The following DIP2A variants were observed in gnomAD, a reference collection of about 807,000 sequenced individuals.
DIP2A encodes the protein disco-interacting protein 2 homolog A.
Under a neutral mutation model 177.4 loss-of-function variants are expected in DIP2A, and 85 were observed. That is an observed-to-expected ratio of 0.48 (90% CI 0.40 to 0.57). The LOEUF (loss-of-function observed/expected upper bound fraction) is 0.57. DIP2A is among the 20% of genes least tolerant of loss of function. The pLI, the probability that DIP2A is intolerant of heterozygous loss-of-function variation, is 0.00. For synonymous variants in DIP2A, 886 were observed against 881.8 expected (o/e 1.00, Z -0.08); for missense variants, 1,791 against 2,100.2 (o/e 0.85, Z 2.88).
chr21:46,580,338 CTT>C, the DIP2A span, among the ~76,000 whole-genome samples: 1 of 152,004 alleles, frequency 6.6e-6, no homozygotes, highest in Non-Finnish European at 1.5e-5. Context: ...CCTCATGTGT[CTT>C]TGCATGTGAG....
chr21:46,488,514 T>C (rs1051721997), intron 2 of DIP2A, among the ~76,000 whole-genome samples: 6 of 152,178 alleles, frequency 3.9e-5, no homozygotes, highest in Non-Finnish European at 7.3e-5. Flanking sequence ...CCTGGTCTTT[T>C]AGTGAGGGTC....
chr21:46,476,886 A>T (rs1295716298), intron 1 of DIP2A, among the ~76,000 whole-genome samples: 1 of 152,070 alleles, frequency 6.6e-6, no homozygotes, highest in Non-Finnish European at 1.5e-5. Context: ...CAAACTCCTG[A>T]CCTCAAATGA....
chr21:46,562,219 C>A (rs2060689687), intron 34 of DIP2A, among the ~76,000 whole-genome samples: 1 of 152,058 alleles, frequency 6.6e-6, no homozygotes, highest in Non-Finnish European at 1.5e-5. Context: ...GGGAAGAGGC[C>A]CCCAGACCCT....
chr21:46,468,755 G>A (rs1284451234), intron 1 of DIP2A, among the ~76,000 whole-genome samples: 1 of 152,140 alleles, frequency 6.6e-6, no homozygotes, highest in Non-Finnish European at 1.5e-5. Context: ...TTATGTTTAT[G>A]TTTATGGTGA....
chr21:46,466,280 A>G (rs2054821880), intron 1 of DIP2A, among the ~76,000 whole-genome samples: 1 of 151,894 alleles, frequency 6.6e-6, no homozygotes, highest in African/African-American at 2.4e-5. Flanking sequence ...AGATAGACCA[A>G]TGGATTTTAA....
chr21:46,566,812 C>T (rs1277993206), intron 37 of DIP2A, 129 bp downstream of exon 37: 3 of 1,267,236 alleles, frequency 2.4e-6, no homozygotes, highest in East Asian at 4.9e-5. Flanking sequence ...GCATTGTCAC[C>T]CTGGTCTGCA....
rs760650278 is a variant in DIP2A at position 46,532,143 on chromosome 21, C to T, written c.1211C>T (p.Pro404Leu). 3.1e-6 allele frequency: 5 copies of T among 1,613,198 alleles called. No individual in the cohort carries two copies. The highest frequency in any genetic ancestry group is 1.1e-5 in the South Asian group (1 of 90,968). Residue 404 changes from proline to leucine, a missense_variant, in exon 10 of 38, where the codon CCG becomes CTG. Physicochemically the swap from Pro to Leu is moderately conservative, Grantham distance 98 (BLOSUM62 -3). Coordinates refer to ENST00000417564, the MANE Select transcript of DIP2A (RefSeq NM_015151.4). ...CTGTTGTAGGTGGCGCTCGTGTTTC[C>T]GAATAGTGACCCTGTGATGTTCATG... ...KPGDRVALVFPNSDPVMFMVA... is the reference protein window; with the variant it reads ...KPGDRVALVFLNSDPVMFMVA...
At position 46,473,400 on chromosome 21, in the gene DIP2A, A is replaced by G. The variant is rs369520294; in HGVS notation, c.92-11357A>G. On this transcript the variant is annotated intron_variant, in intron 1 of 37. Transcript: ENST00000417564. ...ATTGCTTGAGATTGAGGCTGCAGTGAACCGTGATTATGCCACTGCACTCCA... is the reference window on the plus strand; with the variant it reads ...ATTGCTTGAGATTGAGGCTGCAGTGGACCGTGATTATGCCACTGCACTCCA... Among the ~76,000 whole-genome samples the G allele has an allele frequency of 2.3e-3, 333 of 143,852 alleles. 3 individuals carry two copies. The highest frequency in any genetic ancestry group is 0.011 in the Middle Eastern group (3 of 284). 94.4% of individuals were successfully genotyped at this position (143,852 alleles called of 152,430 possible).
In DIP2A at chr21:46,502,437, ATTTTTTTTTTTTT is replaced by A. The variant is rs36011338; in HGVS notation, c.656-1908_656-1896del. On this transcript the variant is annotated intron_variant, in intron 5 of 37. Coordinates refer to ENST00000417564, the MANE Select transcript of DIP2A (RefSeq NM_015151.4). ...GTGAGCCACTGCACAGCTAGTGTTG[ATTTTTTTTTTTTT>A]TTTTTTTTTTTTTTTGTGACAGGGT... is the stretch of plus-strand genomic sequence containing the variant. Among the ~76,000 whole-genome samples the A allele has an allele frequency of 5.8e-4, 26 of 44,864 alleles. 1 individual carries two copies. Among genetic ancestry groups the A allele is most frequent in the African/African-American group, 2.3e-3 (23 of 9,918 alleles). 29.4% of individuals were successfully genotyped at this position (44,864 alleles called of 152,430 possible). A position where few individuals can be genotyped will look rare whatever the true frequency, so the allele number is the denominator to read the frequency against.
intron 19 of DIP2A, among the ~76,000 whole-genome samples, chr21:46,545,648 G>T (rs1569082676): frequency 6.6e-6 from 1 of 152,234 alleles, no homozygotes; most frequent in East Asian, 1.9e-4. Flanking sequence ...AGTCTAGGGA[G>T]GCCAGGCACC....
chr21:46,526,917 C>A (rs776241874), intron 8 of DIP2A, among the ~76,000 whole-genome samples: 1 of 152,148 alleles, frequency 6.6e-6, no homozygotes, highest in Non-Finnish European at 1.5e-5. Context: ...ACTTACTTCT[C>A]TCAGAGGGGA....
chr21:46,514,642 G>GTT lies in DIP2A; in HGVS notation c.1102+3040_1102+3041dup, dbSNP rs1159261551. 2.2e-3 allele frequency among the ~76,000 whole-genome samples: 146 copies of GTT among 67,792 alleles called. 5 individuals carry two copies. Among genetic ancestry groups the GTT allele is most frequent in the African/African-American group, 6.0e-3 (116 of 19,212 alleles). 44.5% of individuals were successfully genotyped at this position (67,792 alleles called of 152,430 possible). On this transcript the variant is annotated intron_variant, in intron 8 of 37. Transcript: ENST00000417564. ...CTTTTTTTTTTTTTTTTTTTTTTTG[G>GTT]TTTTTTTTTTTTTGCACAAGCTAGA...
intron 2 of DIP2A, among the ~76,000 whole-genome samples, 179 bp from the exon 3 acceptor site, chr21:46,490,421 G>A (rs888767963): frequency 7.9e-5 from 12 of 152,170 alleles, no homozygotes; most frequent in African/African-American, 2.9e-4. Context: ...AGGAGAGCAC[G>A]GAAGTGGATG....
chr21:46,473,511 A>C (rs1007532911), intron 1 of DIP2A, among the ~76,000 whole-genome samples: 1 of 149,772 alleles, frequency 6.7e-6, no homozygotes, highest in South Asian at 2.1e-4. Context: ...TGCTTTATTT[A>C]TTTTTTATTT....
chr21:46,512,257 A>G (rs1423769996), intron 8 of DIP2A, among the ~76,000 whole-genome samples: 1 of 152,172 alleles, frequency 6.6e-6, no homozygotes, highest in Non-Finnish European at 1.5e-5. Context: ...GCTATTGTGT[A>G]TAGTGCTGTT....
Position 46,488,555 on chromosome 21 carries a change from G to C in DIP2A, c.164-2045G>C, listed in dbSNP as rs1008116501. Among the ~76,000 whole-genome samples the C allele has an allele frequency of 1.3e-5, 2 of 152,174 alleles. 1 individual carries two copies. The highest frequency in any genetic ancestry group is 3.9e-4 in the East Asian group (2 of 5,190). ...TTGGGTAAAGTAGCAGAAATCCAAA[G>C]GAGAGGAAATGTGGATGGGCAATAA... On this transcript the variant is annotated intron_variant, in intron 2 of 37. Coordinates refer to ENST00000417564, the MANE Select transcript of DIP2A (RefSeq NM_015151.4).
At chr21:46,520,151 G>A (rs1423283408) in intron 8 of DIP2A, among the ~76,000 whole-genome samples, 1 of 152,054 alleles carries the variant, frequency 6.6e-6, no homozygotes, top group African/African-American at 2.4e-5. Flanking sequence ...TGGGATTACA[G>A]GCATGAGCCA....
rs2056868528 is a variant in DIP2A at position 46,489,193 on chromosome 21, A to G, written c.164-1407A>G. On this transcript the variant is annotated intron_variant, in intron 2 of 37. Coordinates refer to ENST00000417564, the MANE Select transcript of DIP2A (RefSeq NM_015151.4). ...AGGGCTAATACTGATTTCTGTAGAGAGTGTTCCCATTCTCCAGTGCTGTAT... is the reference window on the plus strand; with the variant it reads ...AGGGCTAATACTGATTTCTGTAGAGGGTGTTCCCATTCTCCAGTGCTGTAT... 3.9e-5 allele frequency among the ~76,000 whole-genome samples: 6 copies of G among 152,236 alleles called. No homozygotes were observed. The South Asian group carries it at 1.2e-3, about 32-fold the overall frequency.
At chr21:46,465,763 G>T (rs886797831) in intron 1 of DIP2A, among the ~76,000 whole-genome samples, 6 of 152,138 alleles carry the variant, frequency 3.9e-5, no homozygotes, top group Admixed American at 3.9e-4. Flanking sequence ...AAAAAAATTG[G>T]CCTTTTGTCT....
Sources: gnomAD v4.1 joint callset for allele counts (sites outside exome capture counted in the v4.1 genomes callset) on GRCh38, gnomAD v4.1.1 for gene constraint, MANE v1.5 for transcripts, NCBI Gene and HGNC (gene_info 2026-07-23, HGNC 2026-07-21) for gene names.